Variants in ARMC1 observed in about 807,000 individuals in gnomAD.
ARMC1 encodes armadillo repeat-containing protein 1.
In ARMC1, 16 loss-of-function variants were observed where a neutral mutation model predicts 31.4. The observed-to-expected ratio is 0.51, with a 90% CI of 0.34 to 0.77. ARMC1 has a LOEUF of 0.77. Ranked by LOEUF, ARMC1 falls within the 30% of genes least tolerant of loss-of-function variation. The probability of loss-of-function intolerance (pLI) is 0.01; values close to 1 mark genes in which losing one functional copy is unlikely to be tolerated. For missense variants in ARMC1, 259 were observed against 347.5 expected, an observed-to-expected ratio of 0.75 and a Z score of 2.02; for synonymous variants, 114 against 118.9, an observed-to-expected ratio of 0.96 and a Z score of 0.27.
chr8:65,617,189 T>C (rs1808289774), intron 3 of ARMC1, among the ~76,000 whole-genome samples: 1 of 152,192 alleles, frequency 6.6e-6, no homozygotes, highest in East Asian at 1.9e-4. Flanking sequence ...AAAGGGGGAA[T>C]GTGGGGAAAA....
chr8:65,631,825 C>T (rs1368171901), intron 1 of ARMC1, among the ~76,000 whole-genome samples: 3 of 150,564 alleles, frequency 2.0e-5, no homozygotes, highest in Non-Finnish European at 4.4e-5. Flanking sequence ...GTGCTATGAT[C>T]TTGCCTGTGA....
intron 1 of ARMC1, among the ~76,000 whole-genome samples, chr8:65,633,214 T>C (rs1012551036): frequency 6.6e-6 from 1 of 152,240 alleles, no homozygotes; most frequent in African/African-American, 2.4e-5. Flanking sequence ...AATTCTCACA[T>C]GCCAAGAGAT....
intron 1 of ARMC1, among the ~76,000 whole-genome samples, chr8:65,628,307 A>G (rs1005153750): frequency 1.3e-5 from 2 of 151,436 alleles, no homozygotes; most frequent in Non-Finnish European, 2.9e-5. Context: ...GCTGGAATGC[A>G]GTGGCACAAC....
chr8:65,614,335 T>C (rs887842115), intron 3 of ARMC1, among the ~76,000 whole-genome samples: 1 of 152,216 alleles, frequency 6.6e-6, no homozygotes, highest in Non-Finnish European at 1.5e-5. Context: ...CCAATAATCT[T>C]TCTGCAATGA....
At chr8:65,626,286 TG>T (rs1808509904) in intron 2 of ARMC1, among the ~76,000 whole-genome samples, 1 of 151,798 alleles carries the variant, frequency 6.6e-6, no homozygotes, top group East Asian at 1.9e-4. Flanking sequence ...CAGGGAGTGT[TG>T]GGGTCTGGGA....
rs763494218 is a variant in ARMC1, at chr8:65,628,391, A to ATTT, written c.-35-961_-35-959dup. Among the ~76,000 whole-genome samples the ATTT allele has an allele frequency of 3.9e-3, 304 of 78,824 alleles. 8 individuals are homozygous for ATTT. The highest frequency in any genetic ancestry group is 0.019 in the Middle Eastern group (2 of 106). 51.7% of individuals were successfully genotyped at this position (78,824 alleles called of 152,430 possible). ...TCAGCCTCCTAGCCACGCCCGGCTA[A>ATTT]TTTTTTTTTTTTTTTTTTTTTTTTT... On this transcript the variant is annotated intron_variant, in intron 1 of 6. Coordinates refer to ENST00000276569, the MANE Select transcript of ARMC1 (RefSeq NM_018120.6).
chr8:65,603,297 G>C lies in ARMC1; in HGVS notation c.*1097C>G, dbSNP rs1807932680. On this transcript the variant is annotated 3_prime_UTR_variant, in exon 7 of 7. Coordinates refer to ENST00000276569, the MANE Select transcript of ARMC1 (RefSeq NM_018120.6). ...CTGGACATGAGAAACAGGATTAAGT[G>C]ATCAATGCTGGCTTTATTTCTTCAT... The C allele has an allele frequency of 6.6e-6, 1 of 152,098 alleles. No individual in the cohort carries two copies. The highest frequency in any genetic ancestry group is 6.6e-5 in the Admixed American group (1 of 15,254). The allele number at this position is 152,098 out of a possible 1,614,324, so 9.4% of individuals were successfully genotyped here. A position where few individuals can be genotyped will look rare whatever the true frequency, so the allele number is the denominator to read the frequency against.
intron 3 of ARMC1, among the ~76,000 whole-genome samples, chr8:65,621,744 A>C (rs1808398512): frequency 1.3e-5 from 2 of 152,220 alleles, no homozygotes; most frequent in South Asian, 4.1e-4. Context: ...CCTGGCCACA[A>C]GTGATCCGTC....
intron 3 of ARMC1, among the ~76,000 whole-genome samples, chr8:65,622,062 T>C (rs1192653181): frequency 1.3e-5 from 2 of 152,184 alleles, no homozygotes; most frequent in Non-Finnish European, 2.9e-5. Flanking sequence ...CTCAGCCAGC[T>C]AAATGATTAA....
At chr8:65,617,869 C>G (rs2129042546) in intron 3 of ARMC1, among the ~76,000 whole-genome samples, 1 of 150,468 alleles carries the variant, frequency 6.6e-6, no homozygotes, top group South Asian at 2.1e-4. Flanking sequence ...AAAACTGTAA[C>G]AGTAGTTCTT....
At chr8:65,631,247 T>G (rs944345146) in intron 1 of ARMC1, among the ~76,000 whole-genome samples, 4 of 152,134 alleles carry the variant, frequency 2.6e-5, no homozygotes, top group African/African-American at 9.7e-5. Flanking sequence ...CCTGAATTTT[T>G]GGGGGGGAAC....
rs562889398 is a variant in ARMC1 at position 65,606,371 on chromosome 8, A to G, written c.466-833T>C. On this transcript the variant is annotated intron_variant, in intron 4 of 6. Transcript: ENST00000276569. ...GCAAGACACCATCTCAAAAAAAAAA[A>G]AAAAGAAAAGAAAAGAAAAGTTTTA... is the stretch of plus-strand genomic sequence containing the variant. Among the ~76,000 whole-genome samples, 27 of 151,822 alleles carry G rather than the reference A, an allele frequency of 1.8e-4. No homozygotes were observed. In the East Asian group the frequency reaches 2.3e-3, roughly 13 times the overall value.
At chr8:65,624,660 G>T (rs1437869491) in intron 2 of ARMC1, among the ~76,000 whole-genome samples, 1 of 152,062 alleles carries the variant, frequency 6.6e-6, no homozygotes, top group Non-Finnish European at 1.5e-5. Context: ...ATATACTCTT[G>T]TGTGATTCTT....
At chr8:65,618,166 G>A (rs569523358) in intron 3 of ARMC1, among the ~76,000 whole-genome samples, 1 of 151,830 alleles carries the variant, frequency 6.6e-6, no homozygotes. Context: ...CACCCGCCTC[G>A]GCCTCCCAAA....
intron 1 of ARMC1, among the ~76,000 whole-genome samples, chr8:65,628,391 A>ATTTTTTTTTTTTTTTTTT (rs763494218): frequency 2.5e-5 from 2 of 78,810 alleles, no homozygotes; most frequent in African/African-American, 4.9e-5. Flanking sequence ...CGCCCGGCTA[A>ATTTTTTTTTTTTTTTTTT]TTTTTTTTTT....
chr8:65,605,256 C>T lies in ARMC1; in HGVS notation c.657+7G>A. 1 of 1,608,056 alleles carries T rather than the reference C, an allele frequency of 6.2e-7. No homozygotes were observed. The highest frequency in any genetic ancestry group is 1.1e-5 in the South Asian group (1 of 89,612). ...TGGATATAAAGAAAATTAAACACAA[C>T]TTTTACCTCTTCTCCACTTTCACTT... is the stretch of plus-strand genomic sequence containing the variant. On this transcript the variant is annotated splice_region_variant and intron_variant, in intron 6 of 6. Coordinates refer to ENST00000276569, the MANE Select transcript of ARMC1 (RefSeq NM_018120.6).
chr8:65,606,784 G>A (rs562617407), intron 4 of ARMC1, among the ~76,000 whole-genome samples: 3 of 152,150 alleles, frequency 2.0e-5, no homozygotes, highest in African/African-American at 4.8e-5. Context: ...CATCACTTTA[G>A]CCATCACTAA....
intron 3 of ARMC1, among the ~76,000 whole-genome samples, chr8:65,620,881 T>C (rs769250577): frequency 5.9e-5 from 9 of 151,766 alleles, no homozygotes; most frequent in East Asian, 1.9e-4. Flanking sequence ...GGCAGAAGGA[T>C]TGCTTGATCC....
At chr8:65,605,162 A>T in intron 6 of ARMC1, 101 bp downstream of exon 6, 1 of 941,492 alleles carries the variant, frequency 1.1e-6, no homozygotes, top group Non-Finnish European at 1.6e-6. Context: ...GCACATCCTT[A>T]CATACTTGGC....
Sources: allele counts gnomAD v4.1 joint callset (sites outside exome capture counted in the v4.1 genomes callset), GRCh38; gene constraint gnomAD v4.1.1; transcripts MANE v1.5; gene names NCBI Gene and HGNC (gene_info 2026-07-23, HGNC 2026-07-21).